The following SLC5A3 variants were observed in gnomAD, a reference collection of about 807,000 sequenced individuals.
SLC5A3 encodes the protein solute carrier family 5 member 3, also known as sodium/myo-inositol cotransporter.
In SLC5A3, 10 loss-of-function variants were observed where a neutral mutation model predicts 43.2. The observed-to-expected ratio is 0.23, with a 90% confidence interval of 0.14 to 0.39. The LOEUF (loss-of-function observed/expected upper bound fraction) is 0.39, where lower values mean the gene tolerates loss of function less well. Among genes scored for constraint, SLC5A3 ranks in the 10% least tolerant of loss-of-function variants. The pLI is 1.00. For synonymous variants in SLC5A3, 349 were observed against 322.0 expected (o/e 1.08, Z -0.90); for missense variants, 608 against 893.4 (o/e 0.68, Z 4.07).
rs1006230084 is a variant in SLC5A3 at position 34,097,767 on chromosome 21, C to T, written c.*412C>T. ...ATTTTTTTTTCTGTCTCTGTAATCC[C>T]TCCTACCATTAAGAAAAACTTATTT... On this transcript the variant is annotated 3_prime_UTR_variant, in exon 2 of 2. Transcript: ENST00000381151. 5.0e-6 allele frequency: 5 copies of T among 1,001,650 alleles called. No homozygotes were observed. The highest frequency in any genetic ancestry group is 6.0e-6 in the Non-Finnish European group (5 of 830,788). The allele number at this position is 1,001,650 out of a possible 1,614,324, so 62.0% of individuals were successfully genotyped here. A position where few individuals can be genotyped will look rare whatever the true frequency, so the allele number is the denominator to read the frequency against.
In SLC5A3 at chr21:34,099,986, C is replaced by T. The variant is rs1352310592; in HGVS notation, c.*2631C>T. ...AATGATTGTTCCTGGAATGATCATACATGGACTGTCTTAAGCTAGCAAAAT... is the reference window on the plus strand; with the variant it reads ...AATGATTGTTCCTGGAATGATCATATATGGACTGTCTTAAGCTAGCAAAAT... On this transcript the variant is annotated 3_prime_UTR_variant, in exon 2 of 2. Coordinates refer to ENST00000381151, the MANE Select transcript of SLC5A3 (RefSeq NM_006933.7). 4 of 551,280 alleles carry T rather than the reference C, an allele frequency of 7.3e-6. No homozygotes were observed. The highest frequency in any genetic ancestry group is 9.5e-6 in the Non-Finnish European group (4 of 420,256). The allele number at this position is 551,280 out of a possible 1,614,324, so 34.1% of individuals were successfully genotyped here. A position where few individuals can be genotyped will look rare whatever the true frequency, so the allele number is the denominator to read the frequency against.
chr21:34,085,853 C>T (rs1488098863), intron 1 of SLC5A3, among the ~76,000 whole-genome samples: 9 of 152,142 alleles, frequency 5.9e-5, no homozygotes, highest in East Asian at 3.9e-4. Flanking sequence ...TCACCCGCCT[C>T]GGCCTCCCAA....
chr21:34,095,608 C>T lies in SLC5A3; in HGVS notation c.410C>T (p.Thr137Ile). ...TTGTCTCTGATTCTCTATATTTTCACCAAGCTCTCGGTGGATCTGTATTCG... is the reference window on the plus strand; with the variant it reads ...TTGTCTCTGATTCTCTATATTTTCATCAAGCTCTCGGTGGATCTGTATTCG... ...AALSLILYIF[T>I]KLSVDLYSGA... The change falls in exon 2 of 2, where the codon ACC (threonine) becomes ATC (isoleucine). Residue 137 changes from threonine (T) to isoleucine (I), a missense_variant. Thr to Ile is a moderately conservative substitution (Grantham distance 89, BLOSUM62 -1). Coordinates refer to ENST00000381151, the MANE Select transcript of SLC5A3 (RefSeq NM_006933.7). 1.9e-6 allele frequency: 3 copies of T among 1,613,742 alleles called. No individual in the cohort carries two copies. The highest frequency in any genetic ancestry group is 2.5e-6 in the Non-Finnish European group (3 of 1,179,950).
In SLC5A3 at chr21:34,101,566, T is replaced by G. The variant is rs1979239118; in HGVS notation, c.*4211T>G. On this transcript the variant is annotated 3_prime_UTR_variant, in exon 2 of 2. Coordinates refer to ENST00000381151, the MANE Select transcript of SLC5A3 (RefSeq NM_006933.7). ...ATTCAGAGAGACTGGTCTTTCTCTT[T>G]GTCTTCCTTCACATTGCTGTGTCAG... is the stretch of plus-strand genomic sequence containing the variant. 1.0e-6 allele frequency: 1 copy of G among 1,000,206 alleles called. No homozygotes were observed. Among genetic ancestry groups the G allele is most frequent in the African/African-American group, 1.7e-5 (1 of 57,368 alleles). The allele number at this position is 1,000,206 out of a possible 1,614,324, so 62.0% of individuals were successfully genotyped here.
intron 1 of SLC5A3, among the ~76,000 whole-genome samples, chr21:34,082,811 C>A (rs765323827): frequency 2.6e-5 from 4 of 152,072 alleles, no homozygotes. Flanking sequence ...CCAGGTTGTT[C>A]TTACGTACGT....
Position 34,095,794 on chromosome 21 carries a change from T to G in SLC5A3, c.596T>G (p.Leu199Arg). The G allele has an allele frequency of 6.2e-7, 1 of 1,614,050 alleles. No homozygotes were observed. Among genetic ancestry groups the G allele is most frequent in the Non-Finnish European group, 8.5e-7 (1 of 1,179,962 alleles). ...CTCATGATCATTGGGGCACTTACAC[T>G]TATGATTATTAGCATAATGGAGATT... is the stretch of plus-strand genomic sequence containing the variant. ...ALLMIIGALT[L>R]MIISIMEIGG... Residue 199 changes from leucine (L) to arginine (R), a missense_variant, in exon 2 of 2, where the codon CTT (leucine) becomes CGT (arginine). By Grantham distance (102) the Leu-to-Arg change is moderately radical. Coordinates refer to ENST00000381151, the MANE Select transcript of SLC5A3 (RefSeq NM_006933.7).
chr21:34,086,678 T>C (rs1043836979), intron 1 of SLC5A3, among the ~76,000 whole-genome samples: 1 of 152,228 alleles, frequency 6.6e-6, no homozygotes, highest in African/African-American at 2.4e-5. Context: ...ATCATTATCA[T>C]GTCTGCCTCT....
chr21:34,105,639 G>A lies in SLC5A3; in HGVS notation c.*8284G>A. The A allele has an allele frequency of 1.0e-6, 1 of 999,746 alleles. No homozygotes were observed. Among genetic ancestry groups the A allele is most frequent in the Non-Finnish European group, 1.2e-6 (1 of 829,582 alleles). 61.9% of individuals were successfully genotyped at this position (999,746 alleles called of 1,614,324 possible). A position where few individuals can be genotyped will look rare whatever the true frequency, so the allele number is the denominator to read the frequency against. ...ACATGTGTCATTTTAGTTAGGCATT[G>A]TAGGCCAAATGTGATTATAAATGAA... On this transcript the variant is annotated 3_prime_UTR_variant, in exon 2 of 2. Coordinates refer to ENST00000381151, the MANE Select transcript of SLC5A3 (RefSeq NM_006933.7).
In SLC5A3 at chr21:34,103,815, G is replaced by A. The variant is rs927829676; in HGVS notation, c.*6460G>A. 2.0e-6 allele frequency: 2 copies of A among 999,990 alleles called. No homozygotes were observed. The highest frequency in any genetic ancestry group is 3.5e-5 in the African/African-American group (2 of 57,216). The allele number at this position is 999,990 out of a possible 1,614,324, so 61.9% of individuals were successfully genotyped here. On this transcript the variant is annotated 3_prime_UTR_variant, in exon 2 of 2. Coordinates refer to ENST00000381151, the MANE Select transcript of SLC5A3 (RefSeq NM_006933.7). ...ATTGATGGAGGGAGAGAATATAAATGTCAAGAATGCCAAAATTATATTTGG... is the reference window on the plus strand; with the variant it reads ...ATTGATGGAGGGAGAGAATATAAATATCAAGAATGCCAAAATTATATTTGG...
chr21:34,085,926 G>A (rs1448906989), intron 1 of SLC5A3, among the ~76,000 whole-genome samples: 2 of 152,138 alleles, frequency 1.3e-5, no homozygotes, highest in African/African-American at 2.4e-5. Flanking sequence ...TTAAACAACC[G>A]TAGTGCCTTT....
At position 34,104,354 on chromosome 21, in the gene SLC5A3, T is replaced by C. The variant is rs1045061739; in HGVS notation, c.*6999T>C. On this transcript the variant is annotated 3_prime_UTR_variant, in exon 2 of 2. Transcript: ENST00000381151. Reference sequence around the variant, plus strand: ...AAACGTATGTTCTTCTACTCAGCATTGCCCTTTTCCACCTCCTCACTTCAC... The same window carrying C: ...AAACGTATGTTCTTCTACTCAGCATCGCCCTTTTCCACCTCCTCACTTCAC... 24 of 1,000,022 alleles carry C rather than the reference T, an allele frequency of 2.4e-5. No homozygotes were observed. The highest frequency in any genetic ancestry group is 2.8e-5 in the Non-Finnish European group (23 of 829,882). The allele number at this position is 1,000,022 out of a possible 1,614,324, so 61.9% of individuals were successfully genotyped here.
Position 34,095,261 on chromosome 21 carries a change from G to A in SLC5A3, c.63G>A (p.Met21Ile), listed in dbSNP as rs1203916274. Reference sequence around the variant, plus strand: ...TGGCCCTGTATTTTATCCTGGTCATGTGCATTGGTTTTTTTGCCATGTGGA... The same window carrying A: ...TGGCCCTGTATTTTATCCTGGTCATATGCATTGGTTTTTTTGCCATGTGGA... ...AIVALYFILVMCIGFFAMWKS... is the reference protein window; with the variant it reads ...AIVALYFILVICIGFFAMWKS... Residue 21 changes from methionine (M) to isoleucine (I), a missense_variant, in exon 2 of 2, where the codon ATG becomes ATA. Around this residue, in one of 2 missense-constraint regions of SLC5A3, gnomAD observed 398 missense variants for 668.6 expected, o/e 0.60. Transcript: ENST00000381151. 3 of 1,614,016 alleles carry A rather than the reference G, an allele frequency of 1.9e-6. No individual in the cohort carries two copies. The highest frequency in any genetic ancestry group is 2.7e-5 in the African/African-American group (2 of 74,924).
rs766375586 is a variant in SLC5A3, at chr21:34,095,729, C to T, written c.531C>T (p.Gly177=). Residue 177 remains glycine, a synonymous_variant, in exon 2 of 2, where the codon GGC becomes GGT. Transcript: ENST00000381151. The part of the protein sequence containing the change: ...GMTALLTVTG[G]LVAVIYTDTL... ...CTGCTTTGCTGACTGTCACCGGAGG[C>T]CTTGTTGCAGTGATCTACACAGACA... is the stretch of plus-strand genomic sequence containing the variant. The T allele has an allele frequency of 1.9e-6, 3 of 1,574,046 alleles. No individual in the cohort carries two copies. Among genetic ancestry groups the T allele is most frequent in the Non-Finnish European group, 1.7e-6 (2 of 1,158,424 alleles).
Position 34,102,443 on chromosome 21 carries a change from C to A in SLC5A3, c.*5088C>A, listed in dbSNP as rs1224885227. On this transcript the variant is annotated 3_prime_UTR_variant, in exon 2 of 2. Transcript: ENST00000381151. Reference sequence around the variant, plus strand: ...TAGTTTTTTTGTTTTGGGGTAAGCACCTAATTTATCCAGTAACCAACAACC... The same window carrying A: ...TAGTTTTTTTGTTTTGGGGTAAGCAACTAATTTATCCAGTAACCAACAACC... The A allele has an allele frequency of 2.0e-6, 2 of 999,842 alleles. No individual in the cohort carries two copies. The highest frequency in any genetic ancestry group is 2.4e-6 in the Non-Finnish European group (2 of 829,816). 61.9% of individuals were successfully genotyped at this position (999,842 alleles called of 1,614,324 possible).
At chr21:34,075,674 G>A (rs1989312696) in intron 1 of SLC5A3, among the ~76,000 whole-genome samples, 1 of 152,152 alleles carries the variant, frequency 6.6e-6, no homozygotes, top group Non-Finnish European at 1.5e-5. Flanking sequence ...GTTATGTTGA[G>A]GAGATCCTTG....
At position 34,101,206 on chromosome 21, in the gene SLC5A3, C is replaced by T. The variant is rs1569418494; in HGVS notation, c.*3851C>T. On this transcript the variant is annotated 3_prime_UTR_variant, in exon 2 of 2. Transcript: ENST00000381151. ...GTTGGTAAAAGACAACAAATATTAG[C>T]TTAAAATCTGCATATGTAGAATCAT... 2 of 999,874 alleles carry T rather than the reference C, an allele frequency of 2.0e-6. No individual in the cohort carries two copies. The highest frequency in any genetic ancestry group is 6.2e-5 in the Admixed American group (1 of 16,220). The allele number at this position is 999,874 out of a possible 1,614,324, so 61.9% of individuals were successfully genotyped here. A position where few individuals can be genotyped will look rare whatever the true frequency, so the allele number is the denominator to read the frequency against.
At chr21:34,089,202 G>GTT (rs11446934) in intron 1 of SLC5A3, among the ~76,000 whole-genome samples, 4 of 151,660 alleles carry the variant, frequency 2.6e-5, no homozygotes, top group Admixed American at 6.6e-5. Flanking sequence ...TGATTTTTGT[G>GTT]TTTTTTTAGA....
At position 34,101,521 on chromosome 21, in the gene SLC5A3, T is replaced by G. The variant is rs1979236573; in HGVS notation, c.*4166T>G. ...TTTACAAATGGGATCTGTTTCTATATGTGTATATGCCCACTTACCATTCAG... is the reference window on the plus strand; with the variant it reads ...TTTACAAATGGGATCTGTTTCTATAGGTGTATATGCCCACTTACCATTCAG... On this transcript the variant is annotated 3_prime_UTR_variant, in exon 2 of 2. Transcript: ENST00000381151. The G allele has an allele frequency of 1.0e-6, 1 of 1,000,116 alleles. No homozygotes were observed. The highest frequency in any genetic ancestry group is 6.2e-5 in the Admixed American group (1 of 16,252). The allele number at this position is 1,000,116 out of a possible 1,614,324, so 62.0% of individuals were successfully genotyped here.
Position 34,101,901 on chromosome 21 carries a change from G to T in SLC5A3, c.*4546G>T, listed in dbSNP as rs1305874916. ...GGAGAGAGCAGTAGTGATCATTTAT[G>T]TGAGCCCCTTTGAAATGATGGTGTC... On this transcript the variant is annotated 3_prime_UTR_variant, in exon 2 of 2. Transcript: ENST00000381151. 3.0e-6 allele frequency: 3 copies of T among 1,000,050 alleles called. No individual in the cohort carries two copies. The African/African-American group carries it at 5.2e-5, about 17-fold the overall frequency. The allele number at this position is 1,000,050 out of a possible 1,614,324, so 61.9% of individuals were successfully genotyped here.
Sources: gnomAD v4.1 joint callset for allele counts (sites outside exome capture counted in the v4.1 genomes callset) on GRCh38, gnomAD v4.1.1 for gene constraint, gnomAD v4.1.1 regional missense constraint, MANE v1.5 for transcripts, NCBI Gene and HGNC (gene_info 2026-07-23, HGNC 2026-07-21) for gene names.